The following GAL3ST2 variants were observed in gnomAD, a reference collection of about 807,000 sequenced individuals.
The protein encoded by GAL3ST2 is galactose-3-O-sulfotransferase 2.
A neutral mutation model predicts 12.9 loss-of-function variants in GAL3ST2; 16 were observed. That is an observed-to-expected ratio of 1.24 (90% CI 0.84 to 1.88). The LOEUF (loss-of-function observed/expected upper bound fraction) is 1.88, where lower values mean the gene tolerates loss of function less well. Among genes scored for constraint, GAL3ST2 ranks in the 40% most tolerant of loss-of-function variants. The pLI is 0.00. For synonymous variants in GAL3ST2, 302 were observed against 273.9 expected (o/e 1.10, Z -1.01); for missense variants, 639 against 571.8 (o/e 1.12, Z -1.20).
In GAL3ST2 at chr2:241,801,444, G is replaced by A; in HGVS notation, c.120-337G>A. The A allele has an allele frequency of 2.3e-6, 1 of 430,212 alleles. No homozygotes were observed. The allele number at this position is 430,212 out of a possible 1,614,324, so 26.6% of individuals were successfully genotyped here. ...GGCGTCTACCTCCCATCCCATCACT[G>A]CTGGGAACTCAGTTTTAAGGTGGGT... On this transcript the variant is annotated intron_variant, in intron 2 of 3. Transcript: ENST00000192314. The surrounding 1 kb of genome is among the most constrained non-coding windows in gnomAD (Gnocchi z 4.4).
In GAL3ST2 at chr2:241,793,340, CTG is replaced by C; in HGVS notation, c.30-5723_30-5722del. On this transcript the variant is annotated intron_variant, in intron 1 of 3. Transcript: ENST00000192314. This position sits in a 1 kb window ranked among gnomAD's most constrained non-coding sequence, Gnocchi z 4.7. ...TCCGTGTGTGTGTATGTGTATGTAT[CTG>C]TATGTATGTGTGTGTATTGTGTGTG... is the stretch of plus-strand genomic sequence containing the variant. Among the ~76,000 whole-genome samples the C allele has an allele frequency of 6.6e-6, 1 of 151,308 alleles. No individual in the cohort carries two copies. The highest frequency in any genetic ancestry group is 3.2e-3 in the Middle Eastern group (1 of 316).
rs73106166 is a variant in GAL3ST2 at position 241,793,674 on chromosome 2, A to G, written c.30-5391A>G. ...TGTATGCATATGTGTGTGTATGCAC[A>G]TATTGTGTATGTGTGTGTATATGTG... On this transcript the variant is annotated intron_variant, in intron 1 of 3. Transcript: ENST00000192314. This position sits in a 1 kb window ranked among gnomAD's most constrained non-coding sequence, Gnocchi z 4.7. Among the ~76,000 whole-genome samples the G allele has an allele frequency of 0.19, 29,417 of 151,194 alleles. 3,230 individuals carry two copies. The highest frequency in any genetic ancestry group is 0.29 in the African/African-American group (12,047 of 41,056).
intron 1 of GAL3ST2, among the ~76,000 whole-genome samples, chr2:241,781,256 C>T (rs998168124): frequency 3.9e-5 from 6 of 152,080 alleles, no homozygotes; most frequent in Non-Finnish European, 7.4e-5. Context: ...TTACGAAAAA[C>T]GTTAAAAAGA....
rs554441830 is a variant in GAL3ST2, at chr2:241,778,668, C to T, written c.29+1684C>T. Reference sequence around the variant, plus strand: ...ACTTTGCCAAGGGTGAGGACGTGCACCCATGACCCAGCCTCAGGAGGTCCT... The same window carrying T: ...ACTTTGCCAAGGGTGAGGACGTGCATCCATGACCCAGCCTCAGGAGGTCCT... On this transcript the variant is annotated intron_variant, in intron 1 of 3. Transcript: ENST00000192314. Among the ~76,000 whole-genome samples, 325 of 152,188 alleles carry T rather than the reference C, an allele frequency of 2.1e-3. 1 individual carries two copies. The highest frequency in any genetic ancestry group is 3.4e-3 in the Non-Finnish European group (230 of 68,024).
chr2:241,802,412 C>T lies in GAL3ST2; in HGVS notation c.375+376C>T, dbSNP rs901319497. Among the ~76,000 whole-genome samples the T allele has an allele frequency of 1.7e-4, 26 of 152,258 alleles. No homozygotes were observed. The highest frequency in any genetic ancestry group is 3.4e-4 in the Non-Finnish European group (23 of 68,000). ...TTGGGTCTCAGCATAGAGCCGGCTT[C>T]CCCCCAGGGCTTCCCTGACCTTCCT... is the stretch of plus-strand genomic sequence containing the variant. On this transcript the variant is annotated intron_variant, in intron 3 of 3. Transcript: ENST00000192314. This position sits in a 1 kb window ranked among gnomAD's most constrained non-coding sequence, Gnocchi z 4.8.
In GAL3ST2 at chr2:241,802,649, G is replaced by A. The variant is rs930196628; in HGVS notation, c.375+613G>A. Among the ~76,000 whole-genome samples, 5 of 150,618 alleles carry A rather than the reference G, an allele frequency of 3.3e-5. No homozygotes were observed. The highest frequency in any genetic ancestry group is 3.3e-4 in the Admixed American group (5 of 15,126). On this transcript the variant is annotated intron_variant, in intron 3 of 3. Transcript: ENST00000192314. This position sits in a 1 kb window ranked among gnomAD's most constrained non-coding sequence, Gnocchi z 4.8. ...GGGGGCTGCGGGGCAGAGGGAGGAG[G>A]AGGGGCCGGGAGGAGGGGAAAGGAA...
rs1393748668 is a variant in GAL3ST2 at position 241,802,168 on chromosome 2, G to A, written c.375+132G>A. The A allele has an allele frequency of 1.8e-6, 2 of 1,132,338 alleles. No homozygotes were observed. The highest frequency in any genetic ancestry group is 2.6e-5 in the East Asian group (1 of 38,620). The allele number at this position is 1,132,338 out of a possible 1,614,324, so 70.1% of individuals were successfully genotyped here. A position where few individuals can be genotyped will look rare whatever the true frequency, so the allele number is the denominator to read the frequency against. Reference sequence around the variant, plus strand: ...GCGGGGCGTGCAGAAGGCGGGTTGGGAGGGCCTGGGCCGCACGCCCTGCTG... The same window carrying A: ...GCGGGGCGTGCAGAAGGCGGGTTGGAAGGGCCTGGGCCGCACGCCCTGCTG... On this transcript the variant is annotated intron_variant, in intron 3 of 3. Transcript: ENST00000192314. This position sits in a 1 kb window ranked among gnomAD's most constrained non-coding sequence, Gnocchi z 4.8.
In GAL3ST2 at chr2:241,804,276, C is replaced by A. The variant is rs1439983106; in HGVS notation, c.*110C>A. The stretch of plus-strand genomic sequence containing the variant: ...CTTCTGGGGCGTTGGGAAACCCAGG[C>A]CCGCCGGCCACGGCTCTAAAATGAA... On this transcript the variant is annotated 3_prime_UTR_variant, in exon 4 of 4. Transcript: ENST00000192314. 3.1e-6 allele frequency: 3 copies of A among 961,004 alleles called. No homozygotes were observed. Among genetic ancestry groups the A allele is most frequent in the East Asian group, 3.3e-5 (1 of 30,434 alleles). 59.5% of individuals were successfully genotyped at this position (961,004 alleles called of 1,614,324 possible). A position where few individuals can be genotyped will look rare whatever the true frequency, so the allele number is the denominator to read the frequency against.
In GAL3ST2 at chr2:241,802,164, T is replaced by C; in HGVS notation, c.375+128T>C. On this transcript the variant is annotated intron_variant, in intron 3 of 3. Coordinates refer to ENST00000192314, the MANE Select transcript of GAL3ST2 (RefSeq NM_022134.3). This position sits in a 1 kb window ranked among gnomAD's most constrained non-coding sequence, Gnocchi z 4.8. The stretch of plus-strand genomic sequence containing the variant: ...GGGGGCGGGGCGTGCAGAAGGCGGG[T>C]TGGGAGGGCCTGGGCCGCACGCCCT... 1 of 1,205,304 alleles carries C rather than the reference T, an allele frequency of 8.3e-7. No homozygotes were observed. The highest frequency in any genetic ancestry group is 1.1e-6 in the Non-Finnish European group (1 of 878,668). The allele number at this position is 1,205,304 out of a possible 1,614,324, so 74.7% of individuals were successfully genotyped here. A position where few individuals can be genotyped will look rare whatever the true frequency, so the allele number is the denominator to read the frequency against.
Position 241,776,856 on chromosome 2 carries a change from C to A in GAL3ST2, c.-100C>A. The A allele has an allele frequency of 9.2e-7, 1 of 1,082,624 alleles. No individual in the cohort carries two copies. Among genetic ancestry groups the A allele is most frequent in the Non-Finnish European group, 1.2e-6 (1 of 810,076 alleles). 67.1% of individuals were successfully genotyped at this position (1,082,624 alleles called of 1,614,324 possible). Reference sequence around the variant, plus strand: ...GCCCCACAGCCGCACCCTGCCTGTGCCTGCACCCTGGGGAGCCCAGAGCCG... The same window carrying A: ...GCCCCACAGCCGCACCCTGCCTGTGACTGCACCCTGGGGAGCCCAGAGCCG... On this transcript the variant is annotated 5_prime_UTR_variant, in exon 1 of 4. Transcript: ENST00000192314.
intron 1 of GAL3ST2, among the ~76,000 whole-genome samples, chr2:241,788,389 T>G (rs1699652906): frequency 6.6e-6 from 1 of 152,136 alleles, no homozygotes; most frequent in African/African-American, 2.4e-5. Flanking sequence ...TGGCTGTATT[T>G]TTTTTTTCTT....
chr2:241,792,082 C>T (rs1413889667), intron 1 of GAL3ST2, among the ~76,000 whole-genome samples: 2 of 147,762 alleles, frequency 1.4e-5, no homozygotes, highest in South Asian at 4.3e-4. Context: ...GGCATGATCT[C>T]GGCTCACTGC....
At chr2:241,794,150 A>ATTGC (rs1699741171) in intron 1 of GAL3ST2, among the ~76,000 whole-genome samples, 3 of 151,986 alleles carry the variant, frequency 2.0e-5, no homozygotes, top group African/African-American at 7.3e-5. Flanking sequence ...GTCTCACTAT[A>ATTGC]CCACCTAGGC....
At chr2:241,777,523 G>C (rs1010168026) in intron 1 of GAL3ST2, among the ~76,000 whole-genome samples, 1 of 152,208 alleles carries the variant, frequency 6.6e-6, no homozygotes, top group South Asian at 2.1e-4. Flanking sequence ...GGGGTGGTGG[G>C]TGTGGCTAAG....
chr2:241,794,444 C>T (rs1421782440), intron 1 of GAL3ST2, among the ~76,000 whole-genome samples: 1 of 152,202 alleles, frequency 6.6e-6, no homozygotes, highest in Admixed American at 6.5e-5. Flanking sequence ...TCCCAGGCCT[C>T]TCTTCTCTTT....
At chr2:241,777,488 G>A (rs1397409472) in intron 1 of GAL3ST2, among the ~76,000 whole-genome samples, 1 of 152,156 alleles carries the variant, frequency 6.6e-6, no homozygotes, top group Admixed American at 6.5e-5. Context: ...GAGGGGAGGT[G>A]GATTTCTTCC....
intron 1 of GAL3ST2, among the ~76,000 whole-genome samples, chr2:241,786,333 ACAAG>A (rs1169256006): frequency 3.9e-5 from 6 of 152,258 alleles, no homozygotes; most frequent in African/African-American, 1.4e-4. Flanking sequence ...GTTCAGTAAA[ACAAG>A]CAATCACACA....
chr2:241,801,884 G>T lies in GAL3ST2; in HGVS notation c.223G>T (p.Ala75Ser). ...STVLNILYRFAETHNLSVALP... is the reference protein window; with the variant it reads ...STVLNILYRFSETHNLSVALP... ...GGTGCTCAACATCCTCTACCGCTTC[G>T]CCGAGACCCACAACCTGTCCGTGGC... Residue 75 changes from alanine to serine, a missense_variant, in exon 3 of 4, where the codon GCC (alanine) becomes TCC (serine). By Grantham distance (99) the Ala-to-Ser change is moderately conservative. Coordinates refer to ENST00000192314, the MANE Select transcript of GAL3ST2 (RefSeq NM_022134.3). This position sits in a 1 kb window ranked among gnomAD's most constrained non-coding sequence, Gnocchi z 4.4. 1.2e-6 allele frequency: 2 copies of T among 1,612,992 alleles called. No homozygotes were observed. The highest frequency in any genetic ancestry group is 1.7e-6 in the Non-Finnish European group (2 of 1,179,954).
intron 1 of GAL3ST2, among the ~76,000 whole-genome samples, chr2:241,785,823 A>C (rs1210142111): frequency 1.3e-5 from 2 of 152,114 alleles, no homozygotes; most frequent in Non-Finnish European, 2.9e-5. Context: ...CAAAAAACCC[A>C]AAAACATGAA....
Sources: gnomAD v4.1 joint callset for allele counts (sites outside exome capture counted in the v4.1 genomes callset) on GRCh38, gnomAD v4.1.1 for gene constraint, Gnocchi (gnomAD v3.1) non-coding constraint, MANE v1.5 for transcripts, NCBI Gene and HGNC (gene_info 2026-07-23, HGNC 2026-07-21) for gene names.